Variants in CDKL3 observed in about 807,000 individuals in gnomAD.
CDKL3 encodes the protein cyclin-dependent kinase-like 3.
A neutral mutation model predicts 69.3 loss-of-function variants in CDKL3; 65 were observed. The observed-to-expected ratio is 0.94, with a 90% CI of 0.77 to 1.15. The LOEUF is 1.15. Ranked by LOEUF, CDKL3 falls within the 50% of genes most tolerant of loss-of-function variation. The pLI is 0.00. For missense variants in CDKL3, 652 were observed against 689.2 expected (o/e 0.95, Z 0.61); for synonymous variants, 202 against 221.6 (o/e 0.91, Z 0.79).
chr5:134,337,453 T>C (rs774446117), intron 4 of CDKL3, among the ~76,000 whole-genome samples: 2 of 152,234 alleles, frequency 1.3e-5, no homozygotes, highest in Admixed American at 6.5e-5. Context: ...CTGGGAGCTG[T>C]AGACCGGAGA....
At chr5:134,337,488 T>G (rs1341274697) in intron 4 of CDKL3, among the ~76,000 whole-genome samples, 2 of 151,922 alleles carry the variant, frequency 1.3e-5, no homozygotes, top group Non-Finnish European at 3.0e-5. Flanking sequence ...CATCTTGGTG[T>G]TTTCTCACCA....
chr5:134,367,302 A>C (rs1036307571), upstream of CDKL3: 23 of 984,454 alleles, frequency 2.3e-5, no homozygotes, highest in Non-Finnish European at 2.7e-5. Flanking sequence ...AGGGGAGTAC[A>C]GATTGCTGTC....
intron 12 of CDKL3, among the ~76,000 whole-genome samples, 198 bp downstream of exon 12, chr5:134,302,392 A>G (rs1023070201): frequency 2.6e-5 from 4 of 152,230 alleles, no homozygotes; most frequent in African/African-American, 4.8e-5. Context: ...ATCATTCAAC[A>G]TTACCCACCA....
intron 4 of CDKL3, among the ~76,000 whole-genome samples, chr5:134,344,206 G>GT (rs2149575113): frequency 6.6e-6 from 1 of 152,302 alleles, no homozygotes; most frequent in South Asian, 2.1e-4. Context: ...AGAAGAAAAT[G>GT]TAACTGTAAA....
At chr5:134,350,456 T>C (rs1270002112) in intron 3 of CDKL3, 29 bp from the exon 4 acceptor site, 2 of 1,396,440 alleles carry the variant, frequency 1.4e-6, no homozygotes, top group South Asian at 1.3e-5. Context: ...ACAAAATACA[T>C]TAAAATGAGA....
intron 9 of CDKL3, among the ~76,000 whole-genome samples, chr5:134,307,413 C>A (rs1768174364): frequency 6.6e-6 from 1 of 152,206 alleles, no homozygotes; most frequent in Admixed American, 6.5e-5. Context: ...CAGTCTGTAA[C>A]CTGCTGTACC....
At chr5:134,360,173 A>G (rs1336903175) in intron 2 of CDKL3, 82 bp from the exon 3 acceptor site, 1 of 923,960 alleles carries the variant, frequency 1.1e-6, no homozygotes, top group Non-Finnish European at 1.6e-6. Context: ...TTTTGTAAAG[A>G]AACAGTCATA....
chr5:134,325,048 C>T (rs1167941488), intron 4 of CDKL3, among the ~76,000 whole-genome samples: 1 of 152,138 alleles, frequency 6.6e-6, no homozygotes, highest in African/African-American at 2.4e-5. Context: ...CTTGGTGGCT[C>T]ATGCCTGTAG....
At chr5:134,344,896 T>C (rs1751440215) in intron 4 of CDKL3, among the ~76,000 whole-genome samples, 1 of 151,742 alleles carries the variant, frequency 6.6e-6, no homozygotes, top group Non-Finnish European at 1.5e-5. Flanking sequence ...TCCCCAGCTC[T>C]ACAAAAATAC....
chr5:134,359,872 AAT>A (rs1755587740), intron 3 of CDKL3, 23 bp downstream of exon 3: 1 of 1,463,638 alleles, frequency 6.8e-7, no homozygotes, highest in Admixed American at 2.3e-5. Context: ...TCATCCTACA[AAT>A]TGGCTTATTC....
intron 5 of CDKL3, among the ~76,000 whole-genome samples, chr5:134,320,994 T>C (rs1772598189): frequency 6.7e-6 from 1 of 148,350 alleles, no homozygotes; most frequent in Non-Finnish European, 1.5e-5. Context: ...TAAACTCTCA[T>C]CAAACATATT....
chr5:134,315,261 T>C (rs771127715), intron 6 of CDKL3, among the ~76,000 whole-genome samples: 11 of 151,994 alleles, frequency 7.2e-5, no homozygotes, highest in Non-Finnish European at 1.5e-4. Context: ...GCAAAACTTA[T>C]GACAAAAGAT....
intron 4 of CDKL3, among the ~76,000 whole-genome samples, chr5:134,345,053 A>C (rs1244513917): frequency 1.3e-5 from 2 of 152,068 alleles, no homozygotes; most frequent in Admixed American, 1.3e-4. Context: ...CGACAGAGAG[A>C]GACTCTGTCT....
At chr5:134,365,664 T>G (rs1252083991) in intron 2 of CDKL3, among the ~76,000 whole-genome samples, 1 of 152,230 alleles carries the variant, frequency 6.6e-6, no homozygotes, top group Middle Eastern at 3.2e-3. Flanking sequence ...AATCAAGTTT[T>G]GACTCCTTAG....
intron 5 of CDKL3, among the ~76,000 whole-genome samples, chr5:134,320,702 C>T (rs930244564): frequency 1.3e-4 from 20 of 151,648 alleles, no homozygotes; most frequent in Admixed American, 1.2e-3. Flanking sequence ...AGTGAAACCC[C>T]GTCTCTGCTA....
At chr5:134,325,145 T>C (rs1356473594) in intron 4 of CDKL3, among the ~76,000 whole-genome samples, 2 of 152,118 alleles carry the variant, frequency 1.3e-5, no homozygotes, top group Non-Finnish European at 2.9e-5. Flanking sequence ...GCCACTGTAC[T>C]TCAGCCTGTG....
At chr5:134,358,186 C>T (rs190639330) in intron 3 of CDKL3, among the ~76,000 whole-genome samples, 413 of 152,320 alleles carry the variant, frequency 2.7e-3, no homozygotes, top group Non-Finnish European at 4.1e-3. Context: ...GAAAATCTCT[C>T]CCCTGTGAAC....
intron 2 of CDKL3, among the ~76,000 whole-genome samples, chr5:134,365,267 G>A (rs570805867): frequency 3.2e-4 from 49 of 152,140 alleles, no homozygotes; most frequent in Non-Finnish European, 5.9e-4. Flanking sequence ...GTGAGCCACC[G>A]CACCCGGCCT....
chr5:134,283,950 C>A (rs1259137265), downstream of CDKL3, among the ~76,000 whole-genome samples: 2 of 152,130 alleles, frequency 1.3e-5, no homozygotes, highest in Non-Finnish European at 2.9e-5. Context: ...TCCAGTGGAG[C>A]AGTCAATTAT....
Sources: gnomAD v4.1 joint callset for allele counts (sites outside exome capture counted in the v4.1 genomes callset) on GRCh38, gnomAD v4.1.1 for gene constraint, MANE v1.5 for transcripts, NCBI Gene and HGNC (gene_info 2026-07-23, HGNC 2026-07-21) for gene names.